The following ERGIC3 variants were observed in gnomAD, a reference collection of about 807,000 sequenced individuals.
ERGIC3 encodes ERGIC and golgi 3, also known as endoplasmic reticulum-Golgi intermediate compartment protein 3.
A neutral mutation model predicts 54.7 loss-of-function variants in ERGIC3; 33 were observed. The ratio of observed to expected loss-of-function variants is 0.60; its 90% CI spans 0.46 to 0.81. ERGIC3 has a LOEUF of 0.81. ERGIC3 is among the 30% of genes least tolerant of loss of function. The pLI is 0.00. For missense variants in ERGIC3, 399 were observed against 488.4 expected (o/e 0.82, Z 1.73); for synonymous variants, 186 against 189.8 (o/e 0.98, Z 0.16).
At chr20:35,555,023 G>T (rs771352464) in intron 7 of ERGIC3, 21 bp from the exon 8 acceptor site, 1 of 1,612,978 alleles carries the variant, frequency 6.2e-7, no homozygotes, top group Non-Finnish European at 8.5e-7. Flanking sequence ...CTTCTCCCTT[G>T]CCTTCTCCCT....
At chr20:35,542,475 G>A (rs1483552399) in intron 2 of ERGIC3, 38 bp from the exon 3 acceptor site, 2 of 1,613,892 alleles carry the variant, frequency 1.2e-6, no homozygotes, top group South Asian at 2.2e-5. Context: ...GGAAGGAGAG[G>A]TTTGGGGCTA....
intron 5 of ERGIC3, 45 bp from the exon 6 acceptor site, chr20:35,548,464 A>G: frequency 3.7e-6 from 6 of 1,601,392 alleles, no homozygotes; most frequent in Non-Finnish European, 5.1e-6. Context: ...CCAGCACTGG[A>G]CTTATGCCTC....
intron 7 of ERGIC3, among the ~76,000 whole-genome samples, chr20:35,553,679 G>A (rs1172909597): frequency 6.6e-6 from 1 of 152,124 alleles, no homozygotes; most frequent in Non-Finnish European, 1.5e-5. Flanking sequence ...CCAGTGTGGG[G>A]GCTGGAGGAC....
intron 8 of ERGIC3, 126 bp from the exon 9 acceptor site, chr20:35,555,907 C>G: frequency 1.3e-6 from 1 of 788,244 alleles, no homozygotes; most frequent in South Asian, 1.8e-5. Flanking sequence ...ATTCTTATCT[C>G]GGGGAGGTTG....
rs762044840 is a variant in ERGIC3 at position 35,557,129 on chromosome 20, G to A, written c.1016+20G>A. 1.5e-5 allele frequency: 25 copies of A among 1,614,218 alleles called. No individual in the cohort carries two copies. The highest frequency in any genetic ancestry group is 1.1e-4 in the South Asian group (10 of 91,092). On this transcript the variant is annotated intron_variant, in intron 11 of 12. Transcript: ENST00000348547. ...GCACAGGTGAGGATGGGGGCAAAGC[G>A]GCCTCTGGGGGCCTGGGCCTGAGGG... is the stretch of plus-strand genomic sequence containing the variant.
rs1362641145 is a variant in ERGIC3, at chr20:35,556,002, TTGGATGAGCTC to T, written c.718-24_718-14del. ...CCTGTCTGCTACTGTCATCAGAGCTTTGGATGAGCTCTGGATGGTGTTGTTTACAGATCAAC... is the reference window on the plus strand; with the variant it reads ...CCTGTCTGCTACTGTCATCAGAGCTTTGGATGGTGTTGTTTACAGATCAAC... On this transcript the variant is annotated intron_variant, in intron 8 of 12. Transcript: ENST00000348547. 11 of 1,598,472 alleles carry T rather than the reference TTGGATGAGCTC, an allele frequency of 6.9e-6. No homozygotes were observed. In the African/African-American group the frequency reaches 1.2e-4, roughly 18 times the overall value.
At chr20:35,545,840 TAA>T (rs1221833479) in intron 4 of ERGIC3, among the ~76,000 whole-genome samples, 2 of 152,172 alleles carry the variant, frequency 1.3e-5, no homozygotes, top group African/African-American at 4.8e-5. Context: ...CTGGTGATAT[TAA>T]GAGGCAATTA....
chr20:35,555,477 A>G (rs2064705859), intron 8 of ERGIC3, among the ~76,000 whole-genome samples: 1 of 152,198 alleles, frequency 6.6e-6, no homozygotes, highest in Non-Finnish European at 1.5e-5. Context: ...TTCTTTAAGC[A>G]GGATCACGAC....
chr20:35,552,444 C>T (rs2064686730), intron 7 of ERGIC3, among the ~76,000 whole-genome samples: 1 of 152,162 alleles, frequency 6.6e-6, no homozygotes. Context: ...GGAATGGACT[C>T]AGTCAACAGA....
At chr20:35,544,427 G>T in intron 4 of ERGIC3, 2 of 302,280 alleles carry the variant, frequency 6.6e-6, no homozygotes, top group Non-Finnish European at 1.3e-5. Context: ...CAGGACAGGG[G>T]GCTCAGTCTT....
At chr20:35,548,192 T>C (rs2064661122) in intron 5 of ERGIC3, among the ~76,000 whole-genome samples, 1 of 152,146 alleles carries the variant, frequency 6.6e-6, no homozygotes, top group African/African-American at 2.4e-5. Context: ...TTCACAGTCC[T>C]AGTCTGGGCA....
At position 35,548,805 on chromosome 20, in the gene ERGIC3, C is replaced by T. The variant is rs893060760; in HGVS notation, c.628-3C>T. On this transcript the variant is annotated splice_polypyrimidine_tract_variant and splice_region_variant and intron_variant, in intron 6 of 12. Transcript: ENST00000348547. Reference sequence around the variant, plus strand: ...AGTGAATGAGAGAGAATGTTCCTTACAGGTGGCCGGAAACTTCCACTTTGC... The same window carrying T: ...AGTGAATGAGAGAGAATGTTCCTTATAGGTGGCCGGAAACTTCCACTTTGC... 2 of 1,614,138 alleles carry T rather than the reference C, an allele frequency of 1.2e-6. No homozygotes were observed. Among genetic ancestry groups the T allele is most frequent in the Non-Finnish European group, 1.7e-6 (2 of 1,180,052 alleles).
At position 35,556,207 on chromosome 20, in the gene ERGIC3, C is replaced by T. The variant is rs780198167; in HGVS notation, c.815C>T (p.Ala272Val). The change falls in exon 10 of 13, where the codon GCC (alanine) becomes GTC (valine). Residue 272 changes from alanine to valine, a missense_variant and splice_region_variant. By Grantham distance (64) the Ala-to-Val change is moderately conservative (BLOSUM62 0). Transcript: ENST00000348547. ...ACCCAGTGCTTTGTTTTCCCCTCAG[C>T]CTCCATGATGTTCCAGTACTTTGTG... ...LDHTNVTAPQ[A>V]SMMFQYFVKV... 3.1e-6 allele frequency: 5 copies of T among 1,614,180 alleles called. No individual in the cohort carries two copies. The East Asian group carries it at 6.7e-5, about 22-fold the overall frequency.
At chr20:35,555,825 A>AAG (rs1435371195) in intron 8 of ERGIC3, among the ~76,000 whole-genome samples, 1 of 151,808 alleles carries the variant, frequency 6.6e-6, no homozygotes, top group African/African-American at 2.4e-5. Flanking sequence ...AAAAAAAAAA[A>AAG]AAAAAGAAAA....
chr20:35,544,417 CA>C, intron 4 of ERGIC3: 1 of 298,462 alleles, frequency 3.4e-6, no homozygotes, highest in Non-Finnish European at 6.7e-6. Context: ...AGAGAGAGGG[CA>C]GGACAGGGGG....
chr20:35,557,315 G>C, intron 12 of ERGIC3, 66 bp downstream of exon 12: 4 of 1,612,100 alleles, frequency 2.5e-6, no homozygotes, highest in Non-Finnish European at 3.4e-6. Flanking sequence ...CCCCAGGTTT[G>C]GTTGGGGGTG....
In ERGIC3 at chr20:35,553,020, ATTTTTTTTTT is replaced by A. The variant is rs141438822; in HGVS notation, c.686-2005_686-1996del. ...TTTGCCCTGAGCTTCAAAGCTGGGG[ATTTTTTTTTT>A]TTTTTTTTTTTTTTTTTTGAGGCTG... On this transcript the variant is annotated intron_variant, in intron 7 of 12. Transcript: ENST00000348547. Among the ~76,000 whole-genome samples the A allele has an allele frequency of 5.8e-4, 24 of 41,552 alleles. 2 individuals carry two copies. Among genetic ancestry groups the A allele is most frequent in the Non-Finnish European group, 8.3e-4 (19 of 22,888 alleles). 27.3% of individuals were successfully genotyped at this position (41,552 alleles called of 152,430 possible).
Position 35,542,693 on chromosome 20 carries a change from C to T in ERGIC3, c.247+93C>T, listed in dbSNP as rs1403078433. 28 of 1,597,454 alleles carry T rather than the reference C, an allele frequency of 1.8e-5. No homozygotes were observed. In the Admixed American group the frequency reaches 2.5e-4, roughly 14 times the overall value. On this transcript the variant is annotated intron_variant, in intron 3 of 12. Coordinates refer to ENST00000348547, the MANE Select transcript of ERGIC3 (RefSeq NM_015966.3). ...CTCCACCCTTAGGTTCTGGACTGGA[C>T]CCCAGGACAACCTCCTTCTCCTCAT...
At chr20:35,544,406 CAG>C in intron 4 of ERGIC3, 1 of 293,468 alleles carries the variant, frequency 3.4e-6, no homozygotes, top group Non-Finnish European at 6.8e-6. Context: ...TTCTTTATTT[CAG>C]AGAGAGGGCA....
Sources: allele counts gnomAD v4.1 joint callset (sites outside exome capture counted in the v4.1 genomes callset), GRCh38; gene constraint gnomAD v4.1.1; transcripts MANE v1.5; gene names NCBI Gene and HGNC (gene_info 2026-07-23, HGNC 2026-07-21).